Variants in SAXO1 observed in about 807,000 individuals in gnomAD.
SAXO1 encodes 4930500O09Rik.
Under a neutral mutation model 17.5 loss-of-function variants are expected in SAXO1, and 21 were observed. The observed-to-expected ratio is 1.20, with a 90% CI of 0.85 to 1.72. SAXO1 has a LOEUF of 1.72. Ranked by LOEUF, SAXO1 falls within the 40% of genes most tolerant of loss-of-function variation. The pLI, the probability that SAXO1 is intolerant of heterozygous loss-of-function variation, is 0.00. For synonymous variants in SAXO1, 274 were observed against 216.5 expected (o/e 1.27, Z -2.33); for missense variants, 843 against 596.0 (o/e 1.41, Z -4.32).
intron 1 of SAXO1, among the ~76,000 whole-genome samples, chr9:19,010,990 G>GT (rs1834708692): frequency 6.6e-6 from 1 of 152,092 alleles, no homozygotes; most frequent in Non-Finnish European, 1.5e-5. Flanking sequence ...GCCCAGAAAG[G>GT]TTTTTAAAAG....
rs561004494 is a variant in SAXO1 at position 19,020,751 on chromosome 9, G to T, written c.38+12120C>A. On this transcript the variant is annotated intron_variant, in intron 1 of 3. Transcript: ENST00000380534. ...AGCACACTTGATAAGGATGTCTTCTGTGTCTTCATCCAAGTTTTGATTAAA... is the reference window on the plus strand; with the variant it reads ...AGCACACTTGATAAGGATGTCTTCTTTGTCTTCATCCAAGTTTTGATTAAA... 1.6e-4 allele frequency among the ~76,000 whole-genome samples: 25 copies of T among 152,284 alleles called. No individual in the cohort carries two copies. The South Asian group carries it at 5.2e-3, about 32-fold the overall frequency.
chr9:18,968,931 G>C (rs1832841022), intron 1 of SAXO1, among the ~76,000 whole-genome samples: 1 of 152,144 alleles, frequency 6.6e-6, no homozygotes, highest in African/African-American at 2.4e-5. Context: ...TAATAAGGTA[G>C]GTAGGGGTAA....
chr9:19,034,786 C>T (rs1423274648), upstream of SAXO1, among the ~76,000 whole-genome samples: 1 of 152,186 alleles, frequency 6.6e-6, no homozygotes, highest in Admixed American at 6.5e-5. Context: ...CCATCCATTG[C>T]CATTGACAGA....
At chr9:19,010,553 C>T (rs1048087814) in intron 1 of SAXO1, among the ~76,000 whole-genome samples, 8 of 151,936 alleles carry the variant, frequency 5.3e-5, no homozygotes, top group East Asian at 1.9e-4. Context: ...CCTGACCACC[C>T]GAAACAGTGA....
chr9:19,015,114 G>A (rs1043882382), intron 1 of SAXO1, among the ~76,000 whole-genome samples: 1 of 152,080 alleles, frequency 6.6e-6, no homozygotes, highest in Non-Finnish European at 1.5e-5. Context: ...TTCCAAAAAA[G>A]CCTAAGGACA....
upstream of SAXO1, among the ~76,000 whole-genome samples, chr9:19,036,443 G>T (rs12339143): frequency 6.6e-6 from 1 of 151,972 alleles, no homozygotes; most frequent in Admixed American, 6.6e-5. Context: ...TCACAGGCCC[G>T]CAGGCCTAGG....
In SAXO1 at chr9:19,010,377, G is replaced by C. The variant is rs551848543; in HGVS notation, c.38+22494C>G. Among the ~76,000 whole-genome samples, 20 of 151,906 alleles carry C rather than the reference G, an allele frequency of 1.3e-4. No homozygotes were observed. The East Asian group carries it at 3.9e-3, about 29-fold the overall frequency. On this transcript the variant is annotated intron_variant, in intron 1 of 3. Transcript: ENST00000380534. ...CAGTCTTTCCATCAAGCTCCCTTCTGATGGGAAATAAAAGATAATCCAGGG... is the reference window on the plus strand; with the variant it reads ...CAGTCTTTCCATCAAGCTCCCTTCTCATGGGAAATAAAAGATAATCCAGGG...
intron 3 of SAXO1, among the ~76,000 whole-genome samples, chr9:18,933,858 A>C (rs969943154): frequency 8.5e-5 from 13 of 152,114 alleles, no homozygotes; most frequent in Non-Finnish European, 1.3e-4. Context: ...CATCCTGGCC[A>C]ACATGGTGAA....
intron 1 of SAXO1, among the ~76,000 whole-genome samples, chr9:19,031,970 CAT>C (rs1335891486): frequency 6.6e-6 from 1 of 152,188 alleles, no homozygotes; most frequent in Non-Finnish European, 1.5e-5. Context: ...AGGACACTAA[CAT>C]ATTAAGCACA....
intron 1 of SAXO1, among the ~76,000 whole-genome samples, chr9:18,961,574 G>A (rs990465819): frequency 6.6e-6 from 1 of 151,856 alleles, no homozygotes; most frequent in African/African-American, 2.4e-5. Context: ...ACTTATGAGT[G>A]GGAACATGTG....
intron 1 of SAXO1, among the ~76,000 whole-genome samples, chr9:18,979,174 A>G (rs1389499296): frequency 1.3e-5 from 2 of 152,212 alleles, no homozygotes; most frequent in Non-Finnish European, 2.9e-5. Flanking sequence ...GACAATATGA[A>G]AAAACCCAAG....
chr9:18,999,363 G>A (rs941804002), intron 1 of SAXO1, among the ~76,000 whole-genome samples: 1 of 152,152 alleles, frequency 6.6e-6, no homozygotes, highest in African/African-American at 2.4e-5. Flanking sequence ...GAGTGCCTCT[G>A]CCTGGCTGCC....
chr9:19,045,949 T>G (rs937708974), intron 1 of SAXO1, among the ~76,000 whole-genome samples: 18 of 152,126 alleles, frequency 1.2e-4, no homozygotes, highest in Admixed American at 1.1e-3. Context: ...TAGCCGGGCC[T>G]GGGGGCGCAT....
intron 1 of SAXO1, among the ~76,000 whole-genome samples, chr9:18,954,141 A>T (rs7849807): frequency 6.6e-6 from 1 of 151,942 alleles, no homozygotes. Context: ...TTAGCCTACC[A>T]GAACTCTCTA....
At chr9:18,980,491 G>A (rs1789809840) in intron 1 of SAXO1, among the ~76,000 whole-genome samples, 1 of 133,604 alleles carries the variant, frequency 7.5e-6, no homozygotes, top group African/African-American at 2.7e-5. Context: ...GCCAAAAGGA[G>A]AATGTTTTGT....
rs145545848 is a variant in SAXO1 at position 18,981,564 on chromosome 9, T to C, written c.39-30627A>G. Among the ~76,000 whole-genome samples, 63 of 152,290 alleles carry C rather than the reference T, an allele frequency of 4.1e-4. 1 individual carries two copies. The highest frequency in any genetic ancestry group is 1.5e-3 in the African/African-American group (62 of 41,554). On this transcript the variant is annotated intron_variant, in intron 1 of 3. Coordinates refer to ENST00000380534, the MANE Select transcript of SAXO1 (RefSeq NM_153707.4). The stretch of plus-strand genomic sequence containing the variant: ...ATACTAGTGATTCTGGCCACTTCAC[T>C]AAGCCAGCATGCAAAAACAAAAATC...
At chr9:19,026,270 C>T (rs1835467774) in intron 1 of SAXO1, among the ~76,000 whole-genome samples, 1 of 151,904 alleles carries the variant, frequency 6.6e-6, no homozygotes, top group Admixed American at 6.6e-5. Context: ...CAGTGTGACT[C>T]GAAAATAGAC....
intron 1 of SAXO1, among the ~76,000 whole-genome samples, chr9:19,014,452 CTG>C (rs1268520521): frequency 9.2e-6 from 1 of 108,882 alleles, no homozygotes; most frequent in Non-Finnish European, 1.9e-5. Flanking sequence ...CAGAGCGAAA[CTG>C]TGTCTCAAAA....
At chr9:18,967,284 A>C (rs2148846) in intron 1 of SAXO1, among the ~76,000 whole-genome samples, 1 of 152,024 alleles carries the variant, frequency 6.6e-6, no homozygotes, top group African/African-American at 2.4e-5. Context: ...GTCCTGGGAG[A>C]TCTGCTGCTC....
Sources: gnomAD v4.1 joint callset for allele counts (sites outside exome capture counted in the v4.1 genomes callset) on GRCh38, gnomAD v4.1.1 for gene constraint, MANE v1.5 for transcripts, NCBI Gene and HGNC (gene_info 2026-07-23, HGNC 2026-07-21) for gene names.